RHOU: variants seen among roughly 807,000 people sequenced by gnomAD.
RHOU encodes the protein rho-related GTP-binding protein RhoU.
In RHOU, 8 loss-of-function variants were observed where a neutral mutation model predicts 12.6. That is an observed-to-expected ratio of 0.64 (90% CI 0.37 to 1.15). The LOEUF (loss-of-function observed/expected upper bound fraction) is 1.15, where lower values mean the gene tolerates loss of function less well. Ranked by LOEUF, RHOU falls within the 50% of genes most tolerant of loss-of-function variation. RHOU has a pLI of 0.01. For missense variants in RHOU, 258 were observed against 347.0 expected, an observed-to-expected ratio of 0.74 and a Z score of 2.04; for synonymous variants, 161 against 147.4, an observed-to-expected ratio of 1.09 and a Z score of -0.67.
chr1:228,684,222 C>T, the RHOU span, among the ~76,000 whole-genome samples: 41 of 152,008 alleles, frequency 2.7e-4, no homozygotes, highest in Non-Finnish European at 4.9e-4. Flanking sequence ...TTTTTAGTAG[C>T]GATAGGGTTT....
chr1:228,707,785 G>T, the RHOU span, among the ~76,000 whole-genome samples: 2 of 152,294 alleles, frequency 1.3e-5, no homozygotes, highest in African/African-American at 4.8e-5. Flanking sequence ...TTCCTCACCA[G>T]CAACGGAACA....
At chr1:228,724,614 G>T in the RHOU span, among the ~76,000 whole-genome samples, 1 of 152,180 alleles carries the variant, frequency 6.6e-6, no homozygotes, top group Non-Finnish European at 1.5e-5. Flanking sequence ...ACCAGGCCCA[G>T]CGAGGTGAGA....
In RHOU at chr1:228,735,731, G is replaced by A. The variant is rs1380590370; in HGVS notation, c.-12G>A. ...TGCTAGCCCGCGACCGCAAGCCCGCGCTCGCGGATCGATGCCCCCGCAGCA... is the reference window on the plus strand; with the variant it reads ...TGCTAGCCCGCGACCGCAAGCCCGCACTCGCGGATCGATGCCCCCGCAGCA... On this transcript the variant is annotated 5_prime_UTR_variant, in exon 1 of 3. Coordinates refer to ENST00000366691, the MANE Select transcript of RHOU (RefSeq NM_021205.6). The surrounding 1 kb of genome is among the most constrained non-coding windows in gnomAD (Gnocchi z 8.1). 1.7e-6 allele frequency: 2 copies of A among 1,203,262 alleles called. No homozygotes were observed. Among genetic ancestry groups the A allele is most frequent in the Non-Finnish European group, 2.1e-6 (2 of 969,856 alleles). The allele number at this position is 1,203,262 out of a possible 1,614,324, so 74.5% of individuals were successfully genotyped here.
At chr1:228,664,261 C>G in the RHOU span, among the ~76,000 whole-genome samples, 3 of 144,148 alleles carry the variant, frequency 2.1e-5, no homozygotes, top group Non-Finnish European at 4.6e-5. Context: ...ATCGGCCCTC[C>G]TCGGCCTCCC....
At chr1:228,704,687 G>A in the RHOU span, among the ~76,000 whole-genome samples, 7 of 151,586 alleles carry the variant, frequency 4.6e-5, no homozygotes, top group East Asian at 3.9e-4. Context: ...TGTTGAACTC[G>A]ACCTCAAGTT....
the RHOU span, among the ~76,000 whole-genome samples, chr1:228,681,843 G>C: frequency 6.6e-6 from 1 of 152,104 alleles, no homozygotes; most frequent in Non-Finnish European, 1.5e-5. Context: ...AAAGAGAAGG[G>C]TAGAGACACG....
the RHOU span, among the ~76,000 whole-genome samples, chr1:228,647,381 G>A: frequency 6.6e-6 from 1 of 152,222 alleles, no homozygotes; most frequent in South Asian, 2.1e-4. Flanking sequence ...GGCGCGTCCG[G>A]AGGCCTGGGT....
chr1:228,697,502 C>T, the RHOU span, among the ~76,000 whole-genome samples: 1 of 152,222 alleles, frequency 6.6e-6, no homozygotes, highest in Non-Finnish European at 1.5e-5. Flanking sequence ...GGCCGAGTTG[C>T]CAGGACTTCT....
chr1:228,723,983 CAA>C, the RHOU span, among the ~76,000 whole-genome samples: 1 of 152,190 alleles, frequency 6.6e-6, no homozygotes, highest in South Asian at 2.1e-4. Flanking sequence ...TTACATCTTT[CAA>C]AGTCTTTGCT....
chr1:228,744,416 A>G lies in RHOU; in HGVS notation c.*676A>G, dbSNP rs1268780850. On this transcript the variant is annotated 3_prime_UTR_variant, in exon 3 of 3. Transcript: ENST00000366691. The stretch of plus-strand genomic sequence containing the variant: ...TATTGGGACTTTTCTTTCTTAGTCC[A>G]GTTGTGTTGACACATATGAACACAG... 6.6e-6 allele frequency: 1 copy of G among 152,288 alleles called. No homozygotes were observed. The highest frequency in any genetic ancestry group is 1.5e-5 in the Non-Finnish European group (1 of 68,074). 9.4% of individuals were successfully genotyped at this position (152,288 alleles called of 1,614,324 possible).
At chr1:228,707,255 AGTGTGTGTGTGTGT>A in the RHOU span, among the ~76,000 whole-genome samples, 19 of 40,686 alleles carry the variant, frequency 4.7e-4, no homozygotes, top group Non-Finnish European at 6.3e-4. Flanking sequence ...ATATATATAT[AGTGTGTGTGTGTGT>A]GTGTGTGTGT....
At chr1:228,696,037 G>A in the RHOU span, among the ~76,000 whole-genome samples, 1 of 152,174 alleles carries the variant, frequency 6.6e-6, no homozygotes, top group African/African-American at 2.4e-5. Context: ...TATGCCAAGA[G>A]ATGGTATATA....
the RHOU span, among the ~76,000 whole-genome samples, chr1:228,663,060 T>G: frequency 6.6e-6 from 1 of 152,240 alleles, no homozygotes; most frequent in Non-Finnish European, 1.5e-5. Context: ...TTTTAACTTT[T>G]GTGAACAATT....
chr1:228,705,267 A>G, the RHOU span, among the ~76,000 whole-genome samples: 2 of 152,210 alleles, frequency 1.3e-5, no homozygotes, highest in Admixed American at 1.3e-4. Context: ...TTAAAAGTAC[A>G]GTATTATTTA....
At chr1:228,705,896 T>C in the RHOU span, among the ~76,000 whole-genome samples, 1 of 151,962 alleles carries the variant, frequency 6.6e-6, no homozygotes, top group African/African-American at 2.4e-5. Flanking sequence ...ATACAAAAAA[T>C]TAGCCGGGCA....
At position 228,743,702 on chromosome 1, in the gene RHOU, T is replaced by C; in HGVS notation, c.739T>C (p.Ser247Pro). 6.2e-7 allele frequency: 1 copy of C among 1,613,770 alleles called. No individual in the cohort carries two copies. Among genetic ancestry groups the C allele is most frequent in the Non-Finnish European group, 8.5e-7 (1 of 1,179,832 alleles). ...SRTPDKMKNLSKSWWKKYCCF... is the reference protein window; with the variant it reads ...SRTPDKMKNLPKSWWKKYCCF... ...GACTCCAGATAAAATGAAAAACCTC[T>C]CCAAGTCCTGGTGGAAGAAGTACTG... is the stretch of plus-strand genomic sequence containing the variant. Residue 247 changes from serine (S) to proline (P), a missense_variant, in exon 3 of 3, where the codon TCC becomes CCC. Coordinates refer to ENST00000366691, the MANE Select transcript of RHOU (RefSeq NM_021205.6). The surrounding 1 kb of genome is among the most constrained non-coding windows in gnomAD (Gnocchi z 5.1).
At chr1:228,685,568 G>A in the RHOU span, among the ~76,000 whole-genome samples, 1 of 152,182 alleles carries the variant, frequency 6.6e-6, no homozygotes, top group Non-Finnish European at 1.5e-5. Flanking sequence ...AATCTATTGA[G>A]CATTTGGAGC....
chr1:228,692,203 A>G, the RHOU span, among the ~76,000 whole-genome samples: 1 of 152,244 alleles, frequency 6.6e-6, no homozygotes, highest in Non-Finnish European at 1.5e-5. Flanking sequence ...CCAAGACTGG[A>G]AGATGAGTAG....
At chr1:228,739,063 G>A (rs752720913) in intron 2 of RHOU, among the ~76,000 whole-genome samples, 1 of 152,176 alleles carries the variant, frequency 6.6e-6, no homozygotes, top group African/African-American at 2.4e-5. Context: ...TGAGGCTGTA[G>A]TGAGCTATGA....
Sources: gnomAD v4.1 joint callset for allele counts (sites outside exome capture counted in the v4.1 genomes callset) on GRCh38, gnomAD v4.1.1 for gene constraint, Gnocchi (gnomAD v3.1) non-coding constraint, MANE v1.5 for transcripts, NCBI Gene and HGNC (gene_info 2026-07-23, HGNC 2026-07-21) for gene names.